ADPRHL1: variants seen among roughly 807,000 people sequenced by gnomAD.
ADPRHL1 encodes the protein ADP-ribosylhydrolase like 1, also known as inactive ADP-ribosyltransferase ARH2.
A neutral mutation model predicts 44.1 loss-of-function variants in ADPRHL1; 43 were observed. The observed-to-expected ratio is 0.98, with a 90% CI of 0.76 to 1.26. The LOEUF is 1.26. Among genes scored for constraint, ADPRHL1 ranks in the 50% most tolerant of loss-of-function variants. ADPRHL1 has a pLI of 0.00. For synonymous variants in ADPRHL1, 878 were observed against 1,017.4 expected (o/e 0.86, Z 2.61); for missense variants, 2,022 against 2,496.9 (o/e 0.81, Z 4.05).
chr13:113,418,024 G>A (rs545932223), intron 7 of ADPRHL1, among the ~76,000 whole-genome samples: 1 of 152,324 alleles, frequency 6.6e-6, no homozygotes, highest in African/African-American at 2.4e-5. Context: ...TGGGCCTGAG[G>A]TTATGCAATC....
At position 113,438,222 on chromosome 13, in the gene ADPRHL1, C is replaced by G. The variant is rs1219257515; in HGVS notation, c.380-4355G>C. ...GTCCCTCCAGTAGATCTTCCACAGCCCTGACAGCACTTGCTACATTTTTAA... is the reference window on the plus strand; with the variant it reads ...GTCCCTCCAGTAGATCTTCCACAGCGCTGACAGCACTTGCTACATTTTTAA... On this transcript the variant is annotated intron_variant, in intron 2 of 7. Coordinates refer to ENST00000612156, the MANE Select transcript of ADPRHL1 (RefSeq NM_001394807.1). Among the ~76,000 whole-genome samples the G allele has an allele frequency of 4.6e-5, 7 of 152,268 alleles. No individual in the cohort carries two copies. The East Asian group carries it at 1.4e-3, about 29-fold the overall frequency.
intron 2 of ADPRHL1, among the ~76,000 whole-genome samples, chr13:113,437,553 C>A (rs918837555): frequency 5.9e-5 from 9 of 152,240 alleles, no homozygotes; most frequent in African/African-American, 2.2e-4. Context: ...AACAGAATCA[C>A]GGAGAACGTG....
In ADPRHL1 at chr13:113,404,723, G is replaced by A; in HGVS notation, c.4559C>T (p.Ala1520Val). Residue 1520 changes from alanine to valine, a missense_variant, in exon 8 of 8, where the codon GCA (alanine) becomes GTA (valine). Physicochemically the swap from Ala to Val is moderately conservative, Grantham distance 64. Transcript: ENST00000612156. The stretch of plus-strand genomic sequence containing the variant: ...GGTCCCACCCTGAGCCTGTTCCTGT[G>A]CCTGCCCCTGGGCCTCTATCTGGGT... ...WQTQIEAQGQ[A>V]QEQAQGGTQG... 1 of 1,279,926 alleles carries A rather than the reference G, an allele frequency of 7.8e-7. No individual in the cohort carries two copies. The highest frequency in any genetic ancestry group is 3.1e-5 in the East Asian group (1 of 32,052). The allele number at this position is 1,279,926 out of a possible 1,614,324, so 79.3% of individuals were successfully genotyped here. A position where few individuals can be genotyped will look rare whatever the true frequency, so the allele number is the denominator to read the frequency against.
intron 2 of ADPRHL1, among the ~76,000 whole-genome samples, chr13:113,444,092 G>A (rs555175887): frequency 9.6e-4 from 146 of 152,214 alleles, no homozygotes; most frequent in Non-Finnish European, 1.6e-3. Flanking sequence ...CGCTCGTGCT[G>A]GCTGGGCTGA....
intron 2 of ADPRHL1, among the ~76,000 whole-genome samples, chr13:113,442,741 C>A (rs1166846223): frequency 3.3e-5 from 5 of 152,194 alleles, no homozygotes; most frequent in South Asian, 2.1e-4. Context: ...TAGTTTTCAT[C>A]AAATTTGGAA....
chr13:113,418,980 TTCCCTCCCTCCCTCCCTCCCTTCC>T (rs2043899969), intron 7 of ADPRHL1, among the ~76,000 whole-genome samples: 1 of 105,538 alleles, frequency 9.5e-6, no homozygotes, highest in South Asian at 3.6e-4. Context: ...CCTCTTTTCC[TTCCCTCCCTCCCTCCCTCCCTTCC>T]TCCCTCCCTT....
rs1211333124 is a variant in ADPRHL1 at position 113,444,555 on chromosome 13, C to T, written c.249G>A (p.Met83Ile). Reference protein sequence around the residue: ...YWCLDDLYREMVRCYVEIVEK... With the variant: ...YWCLDDLYREIVRCYVEIVEK... ...CAACGATTTCCACATAGCATCTCACCATCTCCCGGTACAGATCATCCAGGC... is the reference window on the plus strand; with the variant it reads ...CAACGATTTCCACATAGCATCTCACTATCTCCCGGTACAGATCATCCAGGC... The change falls in exon 2 of 8, where the codon ATG (methionine) becomes ATA (isoleucine). Residue 83 changes from methionine (M) to isoleucine (I), a missense_variant. By Grantham distance (10) the Met-to-Ile change is conservative (BLOSUM62 1). This residue lies in a region of ADPRHL1 where 437 missense variants were observed against 430.7 expected (regional missense o/e 1.01). Coordinates refer to ENST00000612156, the MANE Select transcript of ADPRHL1 (RefSeq NM_001394807.1). 2 of 1,614,044 alleles carry T rather than the reference C, an allele frequency of 1.2e-6. No individual in the cohort carries two copies. The highest frequency in any genetic ancestry group is 3.3e-5 in the Admixed American group (2 of 60,004).
At chr13:113,451,861 G>A (rs1000124456) in intron 1 of ADPRHL1, among the ~76,000 whole-genome samples, 4 of 152,158 alleles carry the variant, frequency 2.6e-5, no homozygotes, top group Non-Finnish European at 1.5e-5. Flanking sequence ...TTAACTGTGT[G>A]AATTTCGTGT....
chr13:113,415,063 C>A (rs2043880314), intron 7 of ADPRHL1, among the ~76,000 whole-genome samples: 1 of 152,156 alleles, frequency 6.6e-6, no homozygotes, highest in Non-Finnish European at 1.5e-5. Context: ...CCTAGGTAGC[C>A]AGCGCCCAGC....
rs961197198 is a variant in ADPRHL1 at position 113,407,553 on chromosome 13, T to G, written c.1729A>C (p.Lys577Gln). Residue 577 changes from lysine (K) to glutamine (Q), a missense_variant, in exon 8 of 8, where the codon AAG becomes CAG. Physicochemically the swap from Lys to Gln is moderately conservative, Grantham distance 53. Transcript: ENST00000612156. ...ATCCTCTTCCTCTGCAGGTTCCTCT[T>G]CTTCCGCTCCTGCGTGTGCAGCCTC... is the stretch of plus-strand genomic sequence containing the variant. ...ALRLHTQERK[K>Q]RNLQRKRMHR... 2 of 1,232,256 alleles carry G rather than the reference T, an allele frequency of 1.6e-6. No individual in the cohort carries two copies. Among genetic ancestry groups the G allele is most frequent in the East Asian group, 6.3e-5 (2 of 31,698 alleles). The allele number at this position is 1,232,256 out of a possible 1,614,324, so 76.3% of individuals were successfully genotyped here.
At position 113,405,080 on chromosome 13, in the gene ADPRHL1, G is replaced by A. The variant is rs1223515286; in HGVS notation, c.4202C>T (p.Pro1401Leu). 1.6e-6 allele frequency: 2 copies of A among 1,232,056 alleles called. No homozygotes were observed. Among genetic ancestry groups the A allele is most frequent in the East Asian group, 3.2e-5 (1 of 31,720 alleles). The allele number at this position is 1,232,056 out of a possible 1,614,324, so 76.3% of individuals were successfully genotyped here. A position where few individuals can be genotyped will look rare whatever the true frequency, so the allele number is the denominator to read the frequency against. Residue 1401 changes from proline (P) to leucine (L), a missense_variant, in exon 8 of 8, where the codon CCG becomes CTG. By Grantham distance (98) the Pro-to-Leu change is moderately conservative. Around this residue, in one of 8 missense-constraint regions of ADPRHL1, gnomAD observed 1,221 missense variants for 1,517.8 expected, o/e 0.80. Transcript: ENST00000612156. The stretch of plus-strand genomic sequence containing the variant: ...GTTCAGCACAACCTTCGAGCCCGAC[G>A]GCGCCACCCTCTTCCCCGCATCCCC... ...QPGDAGKRVAPSGSKVVLNPA... is the reference protein window; with the variant it reads ...QPGDAGKRVALSGSKVVLNPA...
intron 1 of ADPRHL1, among the ~76,000 whole-genome samples, chr13:113,452,489 C>A (rs748961741): frequency 2.6e-5 from 4 of 152,190 alleles, no homozygotes; most frequent in Non-Finnish European, 5.9e-5. Flanking sequence ...ACAGCACCCA[C>A]GGGGTTTTGA....
intron 2 of ADPRHL1, among the ~76,000 whole-genome samples, chr13:113,436,016 G>A (rs1353386604): frequency 6.6e-6 from 1 of 151,624 alleles, no homozygotes; most frequent in African/African-American, 2.4e-5. Flanking sequence ...GGTGTACCCC[G>A]GGACCCAGCA....
At position 113,405,457 on chromosome 13, in the gene ADPRHL1, G is replaced by T; in HGVS notation, c.3825C>A (p.Ser1275Arg). ...GGCCATAGCTGGGGGACTCTGCCAC[G>T]CTCCTTGCCTGTGGCCTAGGATGAT... ...ASDHPRPQAR[S>R]VAESPSYGPG... Residue 1275 changes from serine (S) to arginine (R), a missense_variant, in exon 8 of 8, where the codon AGC (serine) becomes AGA (arginine). Physicochemically the swap from Ser to Arg is moderately radical, Grantham distance 110. Coordinates refer to ENST00000612156, the MANE Select transcript of ADPRHL1 (RefSeq NM_001394807.1). 8.1e-7 allele frequency: 1 copy of T among 1,231,928 alleles called. No individual in the cohort carries two copies. The highest frequency in any genetic ancestry group is 1.0e-6 in the Non-Finnish European group (1 of 988,112). 76.3% of individuals were successfully genotyped at this position (1,231,928 alleles called of 1,614,324 possible).
Position 113,444,595 on chromosome 13 carries a change from G to A in ADPRHL1, c.215-6C>T, listed in dbSNP as rs1279379588. On this transcript the variant is annotated splice_region_variant and splice_polypyrimidine_tract_variant and intron_variant, in intron 1 of 7. Coordinates refer to ENST00000612156, the MANE Select transcript of ADPRHL1 (RefSeq NM_001394807.1). ...ATCATCCAGGCACCAGTAGTCTGCG[G>A]AAGAAAGGGAGGGCAGACATCAGAG... The A allele has an allele frequency of 5.6e-6, 9 of 1,612,302 alleles. No homozygotes were observed. The highest frequency in any genetic ancestry group is 1.3e-5 in the African/African-American group (1 of 74,888).
chr13:113,418,998 C>CCCTCCCTCCCTCCCTT (rs2043900345), intron 7 of ADPRHL1, among the ~76,000 whole-genome samples: 1 of 103,984 alleles, frequency 9.6e-6, no homozygotes, highest in African/African-American at 3.7e-5. Context: ...CTCCCTCCCT[C>CCCTCCCTCCCTCCCTT]CCTTCCTCCC....
intron 4 of ADPRHL1, among the ~76,000 whole-genome samples, chr13:113,425,917 G>A (rs1053678187): frequency 1.3e-5 from 2 of 152,012 alleles, no homozygotes; most frequent in African/African-American, 4.8e-5. Context: ...CTGACCTCAA[G>A]TGATCCTCCC....
chr13:113,426,429 C>T (rs556442813), intron 4 of ADPRHL1, among the ~76,000 whole-genome samples: 29 of 152,364 alleles, frequency 1.9e-4, no homozygotes, highest in African/African-American at 6.3e-4. Flanking sequence ...TGACAGGGCA[C>T]AGATCCTGTC....
intron 7 of ADPRHL1, among the ~76,000 whole-genome samples, chr13:113,416,166 T>C (rs1226253581): frequency 1.3e-5 from 2 of 151,600 alleles, no homozygotes; most frequent in African/African-American, 2.4e-5. Flanking sequence ...TGATTTTTTG[T>C]AACTAGGTGG....
Sources: allele counts gnomAD v4.1 joint callset (sites outside exome capture counted in the v4.1 genomes callset), GRCh38; gene constraint gnomAD v4.1.1; regional missense constraint gnomAD v4.1.1; transcripts MANE v1.5; gene names NCBI Gene and HGNC (gene_info 2026-07-23, HGNC 2026-07-21).